ASXL1: variants seen among roughly 807,000 people sequenced by gnomAD.
ASXL1 encodes polycomb group protein ASXL1.
A neutral mutation model predicts 89.1 loss-of-function variants in ASXL1; 65 were observed. The observed-to-expected ratio is 0.73, with a 90% CI of 0.60 to 0.90. The LOEUF (loss-of-function observed/expected upper bound fraction) is 0.90, where lower values mean the gene tolerates loss of function less well. ASXL1 is among the 40% of genes least tolerant of loss of function. The pLI, the probability that ASXL1 is intolerant of heterozygous loss-of-function variation, is 0.00. For missense variants in ASXL1, 1,786 were observed against 1,942.9 expected, an observed-to-expected ratio of 0.92 and a Z score of 1.52; for synonymous variants, 739 against 746.9, an observed-to-expected ratio of 0.99 and a Z score of 0.17.
chr20:32,431,917 C>T (rs1179563251), intron 10 of ASXL1, among the ~76,000 whole-genome samples: 1 of 152,204 alleles, frequency 6.6e-6, no homozygotes, highest in Admixed American at 6.5e-5. Flanking sequence ...TTCATCATCT[C>T]CTTTTTATCA....
intron 4 of ASXL1, among the ~76,000 whole-genome samples, chr20:32,421,452 G>T (rs924989325): frequency 5.9e-5 from 9 of 151,782 alleles, no homozygotes; most frequent in Admixed American, 3.9e-4. Flanking sequence ...GTGCTGTTGG[G>T]AGTATAATTT....
intron 4 of ASXL1, among the ~76,000 whole-genome samples, chr20:32,398,295 C>T (rs1347433774): frequency 6.6e-6 from 1 of 152,008 alleles, no homozygotes; most frequent in Non-Finnish European, 1.5e-5. Flanking sequence ...GATCTCGGCT[C>T]ACTGCAACAT....
chr20:32,367,736 G>A lies in ASXL1; in HGVS notation c.143+7G>A. ...ACCACTTTGCCTATAGAAGGTAAAT[G>A]AGTCCCTTTGGGACATATGGAATTG... is the stretch of plus-strand genomic sequence containing the variant. On this transcript the variant is annotated splice_region_variant and intron_variant, in intron 3 of 12. Transcript: ENST00000375687. 1.3e-6 allele frequency: 1 copy of A among 780,866 alleles called. No homozygotes were observed. The highest frequency in any genetic ancestry group is 2.4e-6 in the Non-Finnish European group (1 of 418,116). 48.4% of individuals were successfully genotyped at this position (780,866 alleles called of 1,614,324 possible). A position where few individuals can be genotyped will look rare whatever the true frequency, so the allele number is the denominator to read the frequency against.
intron 1 of ASXL1, among the ~76,000 whole-genome samples, chr20:32,364,807 T>G (rs1405102811): frequency 6.6e-6 from 1 of 152,250 alleles, no homozygotes; most frequent in African/African-American, 2.4e-5. Flanking sequence ...TCTTGTTTAC[T>G]GTGAATCCCT....
Position 32,435,581 on chromosome 20 carries a change from AC to A in ASXL1, c.2870del (p.Thr957IlefsTer27). 6.2e-7 allele frequency: 1 copy of A among 1,614,102 alleles called. No individual in the cohort carries two copies. The highest frequency in any genetic ancestry group is 8.5e-7 in the Non-Finnish European group (1 of 1,180,040). ...EEGLDPLDSL[T>X]SLWTVPSRGG... ...GGGTCTAGATCCTCTTGACAGCCTT[AC>A]TTCACTCTGGACTGTGCCATCTCGA... On this transcript the variant is annotated frameshift_variant, in exon 13 of 13. Transcript: ENST00000375687. LOFTEE classifies it low-confidence loss of function (END_TRUNC).
intron 4 of ASXL1, among the ~76,000 whole-genome samples, chr20:32,393,594 C>G (rs113415620): frequency 1.3e-5 from 2 of 152,262 alleles, no homozygotes; most frequent in African/African-American, 4.8e-5. Context: ...GCCTCAGCCT[C>G]CCAAGTAGCT....
At chr20:32,386,186 T>G (rs1266495495) in intron 4 of ASXL1, among the ~76,000 whole-genome samples, 2 of 152,206 alleles carry the variant, frequency 1.3e-5, no homozygotes, top group Non-Finnish European at 2.9e-5. Flanking sequence ...ATGGTAGGTA[T>G]TCAATAAATG....
Position 32,399,135 on chromosome 20 carries a change from C to T in ASXL1, c.253-28993C>T, listed in dbSNP as rs561459017. Among the ~76,000 whole-genome samples the T allele has an allele frequency of 1.9e-4, 29 of 151,854 alleles. No homozygotes were observed. In the South Asian group the frequency reaches 5.2e-3, roughly 27 times the overall value. ...CTGAGGCAGGAGGATTGCTTGAACC[C>T]GGGAAGCGGAGTTTGCAGTTAGCCA... On this transcript the variant is annotated intron_variant, in intron 4 of 12. Transcript: ENST00000375687.
chr20:32,404,869 A>C (rs969115141), intron 4 of ASXL1, among the ~76,000 whole-genome samples: 1 of 152,110 alleles, frequency 6.6e-6, no homozygotes, highest in African/African-American at 2.4e-5. Context: ...ATTTTGTCAA[A>C]GTTTCTGCAT....
intron 8 of ASXL1, 171 bp downstream of exon 8, chr20:32,430,224 T>C: frequency 1.1e-6 from 1 of 910,790 alleles, no homozygotes; most frequent in Non-Finnish European, 1.6e-6. Context: ...TTTGTAGCTC[T>C]CTGCTAAACT....
intron 1 of ASXL1, among the ~76,000 whole-genome samples, chr20:32,361,650 GA>G (rs2048113522): frequency 7.3e-6 from 1 of 136,840 alleles, no homozygotes; most frequent in African/African-American, 2.7e-5. Context: ...AAAAAAAAAA[GA>G]AAAAAAGAAA....
chr20:32,431,220 TCC>T, intron 8 of ASXL1, 99 bp from the exon 9 acceptor site: 1 of 1,419,610 alleles, frequency 7.0e-7, no homozygotes, highest in Non-Finnish European at 9.8e-7. Context: ...TGCAGATAAC[TCC>T]TGGGTAGCTT....
At chr20:32,360,161 A>C (rs2048086651) in intron 1 of ASXL1, 1 of 214,424 alleles carries the variant, frequency 4.7e-6, no homozygotes, top group African/African-American at 2.3e-5. Context: ...CAGATTTATA[A>C]AAACTGAAGG....
At chr20:32,368,305 G>A (rs2424878) in intron 3 of ASXL1, among the ~76,000 whole-genome samples, 50,660 of 151,970 alleles carry the variant, frequency 0.33, 9,956 homozygotes, top group Middle Eastern at 0.52. Context: ...GAATTGTCAC[G>A]TTTTGTAACC....
intron 4 of ASXL1, among the ~76,000 whole-genome samples, chr20:32,384,455 C>G (rs1264994931): frequency 6.6e-6 from 1 of 152,168 alleles, no homozygotes; most frequent in African/African-American, 2.4e-5. Context: ...TTCGGCCTCC[C>G]AAAGTGCTAG....
At chr20:32,385,716 A>C (rs1352948220) in intron 4 of ASXL1, among the ~76,000 whole-genome samples, 2 of 151,956 alleles carry the variant, frequency 1.3e-5, no homozygotes, top group African/African-American at 4.8e-5. Flanking sequence ...TGGTCTACTT[A>C]CTTTCACTTC....
At position 32,436,271 on chromosome 20, in the gene ASXL1, G is replaced by A; in HGVS notation, c.3559G>A (p.Gly1187Ser). 1.2e-6 allele frequency: 2 copies of A among 1,614,196 alleles called. No individual in the cohort carries two copies. Among genetic ancestry groups the A allele is most frequent in the Non-Finnish European group, 1.7e-6 (2 of 1,180,038 alleles). The change falls in exon 13 of 13, where the codon GGT (glycine) becomes AGT (serine). Residue 1187 changes from glycine (G) to serine (S), a missense_variant. Coordinates refer to ENST00000375687, the MANE Select transcript of ASXL1 (RefSeq NM_015338.6). ...LLPDSCETGT[G>S]LARIEATQAP... Reference sequence around the variant, plus strand: ...GCCAGATAGCTGTGAAACAGGCACTGGTCTTGCCAGGATTGAGGCCACCCA... The same window carrying A: ...GCCAGATAGCTGTGAAACAGGCACTAGTCTTGCCAGGATTGAGGCCACCCA...
chr20:32,367,174 C>T (rs2424877), intron 2 of ASXL1, among the ~76,000 whole-genome samples: 50,640 of 151,764 alleles, frequency 0.33, 9,948 homozygotes, highest in Middle Eastern at 0.52. Context: ...GTCAGGAGTT[C>T]GAGACCAGCC....
chr20:32,362,243 T>C (rs2048125935), intron 1 of ASXL1, among the ~76,000 whole-genome samples: 3 of 152,206 alleles, frequency 2.0e-5, no homozygotes. Context: ...TTTGGAGTGC[T>C]TGCAATGGCA....
Sources: allele counts gnomAD v4.1 joint callset (sites outside exome capture counted in the v4.1 genomes callset), GRCh38; gene constraint gnomAD v4.1.1; transcripts MANE v1.5; gene names NCBI Gene and HGNC (gene_info 2026-07-23, HGNC 2026-07-21).